The following GALNT13 variants were observed in gnomAD, a reference collection of about 807,000 sequenced individuals.
GALNT13 encodes the protein UDP-GalNAc:polypeptide N-acetylgalactosaminyltransferase 13.
Under a neutral mutation model 64.2 loss-of-function variants are expected in GALNT13, and 28 were observed. The observed-to-expected ratio is 0.44, with a 90% CI of 0.32 to 0.60. The LOEUF is 0.60. GALNT13 is among the 20% of genes least tolerant of loss of function. The pLI, the probability that GALNT13 is intolerant of heterozygous loss-of-function variation, is 0.05. For missense variants in GALNT13, 577 were observed against 669.8 expected (o/e 0.86, Z 1.53); for synonymous variants, 214 against 224.6 (o/e 0.95, Z 0.42).
the GALNT13 span, among the ~76,000 whole-genome samples, chr2:153,858,137 T>A: frequency 6.6e-6 from 1 of 152,170 alleles, no homozygotes; most frequent in Non-Finnish European, 1.5e-5. Flanking sequence ...GGTTAGTTTT[T>A]ACTGAGAAGA....
chr2:153,707,316 T>C, the GALNT13 span, among the ~76,000 whole-genome samples: 2 of 152,370 alleles, frequency 1.3e-5, no homozygotes, highest in Admixed American at 6.5e-5. Context: ...AAATGCCATA[T>C]GCTTGATCTT....
chr2:153,896,914 G>C (rs1008120268), intron 1 of GALNT13, among the ~76,000 whole-genome samples: 1 of 151,962 alleles, frequency 6.6e-6, no homozygotes, highest in Non-Finnish European at 1.5e-5. Context: ...ACTTTCAAAT[G>C]TACAGAAAAT....
chr2:153,652,204 A>C, the GALNT13 span, among the ~76,000 whole-genome samples: 1 of 152,204 alleles, frequency 6.6e-6, no homozygotes, highest in Non-Finnish European at 1.5e-5. Context: ...TTAGGGTTTA[A>C]ACAAATATAT....
At chr2:153,685,772 G>C in the GALNT13 span, among the ~76,000 whole-genome samples, 1 of 151,856 alleles carries the variant, frequency 6.6e-6, no homozygotes, top group Non-Finnish European at 1.5e-5. Flanking sequence ...TGCCTAGTTT[G>C]TCTTCTAAGG....
At chr2:153,302,535 T>G in the GALNT13 span, among the ~76,000 whole-genome samples, 1 of 152,202 alleles carries the variant, frequency 6.6e-6, no homozygotes, top group African/African-American at 2.4e-5. Context: ...TTCAGTCTGT[T>G]GATTGTTTTC....
chr2:153,998,715 A>T (rs947912348), intron 3 of GALNT13, among the ~76,000 whole-genome samples: 2 of 152,102 alleles, frequency 1.3e-5, no homozygotes, highest in Non-Finnish European at 2.9e-5. Context: ...ATCTTTGCCC[A>T]TGCCTATGTC....
the GALNT13 span, among the ~76,000 whole-genome samples, chr2:153,771,727 AT>A: frequency 6.6e-6 from 1 of 152,204 alleles, no homozygotes; most frequent in African/African-American, 2.4e-5. Context: ...ATGTCTAGTC[AT>A]AAAGCGGAGA....
chr2:154,446,756 A>G, intron 12 of GALNT13: 1 of 1,518,120 alleles, frequency 6.6e-7, no homozygotes, highest in Non-Finnish European at 8.9e-7. Flanking sequence ...TTCTCTAATG[A>G]TTTTTGGAGG....
chr2:153,667,662 C>T, the GALNT13 span, among the ~76,000 whole-genome samples: 1 of 152,186 alleles, frequency 6.6e-6, no homozygotes, highest in East Asian at 1.9e-4. Flanking sequence ...TTACCAGCCA[C>T]TACAAAGATA....
At chr2:153,919,595 G>A (rs955994459) in intron 2 of GALNT13, among the ~76,000 whole-genome samples, 1 of 151,870 alleles carries the variant, frequency 6.6e-6, no homozygotes, top group Admixed American at 6.6e-5. Context: ...ACCTAATGTG[G>A]GCTAGGGTTG....
the GALNT13 span, among the ~76,000 whole-genome samples, chr2:153,792,579 A>C: frequency 2.0e-5 from 3 of 152,152 alleles, no homozygotes; most frequent in Non-Finnish European, 4.4e-5. Flanking sequence ...ACCTGCTTTT[A>C]TCACTTAAAA....
chr2:153,841,345 A>G, the GALNT13 span, among the ~76,000 whole-genome samples: 11 of 152,172 alleles, frequency 7.2e-5, no homozygotes, highest in African/African-American at 2.7e-4. Context: ...TTCCAGCATA[A>G]TTTGAATTTA....
At chr2:153,874,360 T>A (rs983587460) in intron 1 of GALNT13, among the ~76,000 whole-genome samples, 1 of 151,980 alleles carries the variant, frequency 6.6e-6, no homozygotes. Flanking sequence ...ATAAATGCTT[T>A]TATTTCACCA....
At chr2:153,604,002 C>T in the GALNT13 span, among the ~76,000 whole-genome samples, 2 of 152,118 alleles carry the variant, frequency 1.3e-5, no homozygotes, top group East Asian at 3.9e-4. Flanking sequence ...TTTCAGTATT[C>T]CGTTTCATTA....
the GALNT13 span, among the ~76,000 whole-genome samples, chr2:153,470,400 C>A: frequency 1.3e-5 from 2 of 152,144 alleles, no homozygotes; most frequent in South Asian, 4.1e-4. Flanking sequence ...TGCAGCCACC[C>A]AGTCACAGCG....
chr2:153,744,228 T>A, the GALNT13 span, among the ~76,000 whole-genome samples: 1 of 152,132 alleles, frequency 6.6e-6, no homozygotes, highest in African/African-American at 2.4e-5. Context: ...GTAACTCAAT[T>A]TTTAGTTTTT....
At chr2:153,944,682 A>G in intron 3 of GALNT13, 43 bp downstream of exon 3, 1 of 1,523,962 alleles carries the variant, frequency 6.6e-7, no homozygotes, top group Admixed American at 1.9e-5. Context: ...AGAGATGAGA[A>G]AAGTGGTGCC....
chr2:153,381,034 C>G, the GALNT13 span, among the ~76,000 whole-genome samples: 2 of 151,842 alleles, frequency 1.3e-5, no homozygotes, highest in Non-Finnish European at 2.9e-5. Flanking sequence ...ATCACGGGCT[C>G]AAGTTATTCT....
chr2:153,265,944 A>G, the GALNT13 span, among the ~76,000 whole-genome samples: 4 of 152,226 alleles, frequency 2.6e-5, no homozygotes, highest in African/African-American at 9.6e-5. Flanking sequence ...ATGCTACTAA[A>G]AAGCATCACA....
Sources: allele counts gnomAD v4.1 joint callset (sites outside exome capture counted in the v4.1 genomes callset), GRCh38; gene constraint gnomAD v4.1.1; transcripts MANE v1.5; gene names NCBI Gene and HGNC (gene_info 2026-07-23, HGNC 2026-07-21).